TMCC1: variants seen among roughly 807,000 people sequenced by gnomAD.
TMCC1 encodes the protein transmembrane and coiled-coil domain family 1.
A neutral mutation model predicts 52.4 loss-of-function variants in TMCC1; 15 were observed. The ratio of observed to expected loss-of-function variants is 0.29; its 90% CI spans 0.19 to 0.44. The LOEUF is 0.44. TMCC1 is among the 20% of genes least tolerant of loss of function. The pLI is 1.00. For synonymous variants in TMCC1, 279 were observed against 301.9 expected, an observed-to-expected ratio of 0.92 and a Z score of 0.79; for missense variants, 503 against 806.0, an observed-to-expected ratio of 0.62 and a Z score of 4.55.
intron 4 of TMCC1, among the ~76,000 whole-genome samples, chr3:129,793,580 C>T (rs773031724): frequency 1.3e-5 from 2 of 152,216 alleles, no homozygotes; most frequent in Non-Finnish European, 2.9e-5. Context: ...ACTCTTACCA[C>T]ACCTCTTTCC....
intron 3 of TMCC1, among the ~76,000 whole-genome samples, chr3:129,831,968 C>T (rs1359216593): frequency 6.6e-6 from 1 of 152,126 alleles, no homozygotes; most frequent in East Asian, 1.9e-4. Flanking sequence ...AATTCTCCTA[C>T]CTCTGCCTCT....
At chr3:129,840,026 G>A (rs1349857337) in intron 2 of TMCC1, among the ~76,000 whole-genome samples, 2 of 147,412 alleles carry the variant, frequency 1.4e-5, no homozygotes, top group African/African-American at 2.5e-5. Context: ...GACTGGGGGA[G>A]AAAAAAAAAA....
At chr3:129,745,116 T>A (rs2051811981) in intron 4 of TMCC1, among the ~76,000 whole-genome samples, 1 of 152,176 alleles carries the variant, frequency 6.6e-6, no homozygotes, top group Admixed American at 6.5e-5. Context: ...CTAAATGAAA[T>A]TAAACTAGAT....
intron 1 of TMCC1, among the ~76,000 whole-genome samples, chr3:129,883,556 G>A (rs1299173968): frequency 1.3e-5 from 2 of 152,340 alleles, no homozygotes; most frequent in South Asian, 4.1e-4. Context: ...CAAGGCTGCA[G>A]TAATTCATGT....
chr3:129,846,582 C>T (rs752626430), intron 2 of TMCC1, among the ~76,000 whole-genome samples: 4 of 152,146 alleles, frequency 2.6e-5, no homozygotes. Flanking sequence ...TGTGATTTAG[C>T]AACATCTTTT....
At chr3:129,859,110 T>G (rs1334295975) in intron 2 of TMCC1, among the ~76,000 whole-genome samples, 1 of 152,196 alleles carries the variant, frequency 6.6e-6, no homozygotes, top group Non-Finnish European at 1.5e-5. Flanking sequence ...GCTCATAGTA[T>G]AATTTCCTTC....
intron 2 of TMCC1, among the ~76,000 whole-genome samples, chr3:129,870,767 A>C (rs2060891650): frequency 1.4e-5 from 2 of 147,824 alleles, no homozygotes; most frequent in Admixed American, 6.7e-5. Flanking sequence ...CTCAAAAAAA[A>C]AAAAAAAAAA....
intron 4 of TMCC1, among the ~76,000 whole-genome samples, chr3:129,801,408 C>A (rs2057185667): frequency 6.6e-6 from 1 of 151,996 alleles, no homozygotes; most frequent in East Asian, 1.9e-4. Flanking sequence ...CTCTTGATGA[C>A]CATTTAGGTT....
At chr3:129,741,635 T>G (rs1199544185) in intron 4 of TMCC1, among the ~76,000 whole-genome samples, 1 of 152,208 alleles carries the variant, frequency 6.6e-6, no homozygotes, top group African/African-American at 2.4e-5. Flanking sequence ...ATAAATTACA[T>G]TTTTTATGCT....
At chr3:129,735,935 G>C (rs1457174642) in intron 4 of TMCC1, among the ~76,000 whole-genome samples, 1 of 152,154 alleles carries the variant, frequency 6.6e-6, no homozygotes, top group Non-Finnish European at 1.5e-5. Flanking sequence ...CTTCTGGGGG[G>C]ACTCCTGGAA....
intron 2 of TMCC1, among the ~76,000 whole-genome samples, chr3:129,850,216 TAAGTGCCTTAAAAAGGC>T (rs1428508767): frequency 1.3e-5 from 2 of 152,232 alleles, no homozygotes; most frequent in East Asian, 3.8e-4. Context: ...AACAAATGTT[TAAGTGCCTTAAAAAGGC>T]AAGACATTAT....
chr3:129,658,498 C>T (rs573624184), intron 5 of TMCC1, among the ~76,000 whole-genome samples: 1 of 152,338 alleles, frequency 6.6e-6, no homozygotes, highest in South Asian at 2.1e-4. Flanking sequence ...GTCACTCTAG[C>T]AAGAATAATT....
At chr3:129,882,691 TAAAA>T (rs1374749140) in intron 1 of TMCC1, among the ~76,000 whole-genome samples, 1 of 152,116 alleles carries the variant, frequency 6.6e-6, no homozygotes, top group Non-Finnish European at 1.5e-5. Flanking sequence ...TATGCAGTCT[TAAAA>T]AGAAAGAACA....
intron 1 of TMCC1, among the ~76,000 whole-genome samples, chr3:129,885,574 G>A (rs893892497): frequency 2.6e-5 from 4 of 152,012 alleles, no homozygotes; most frequent in Non-Finnish European, 5.9e-5. Flanking sequence ...GAGACAGAGA[G>A]ACTTCATCTC....
At position 129,676,963 on chromosome 3, in the gene TMCC1, T is replaced by G. The variant is rs76978850; in HGVS notation, c.577-5699A>C. Among the ~76,000 whole-genome samples the G allele has an allele frequency of 2.8e-3, 424 of 152,176 alleles. 1 individual carries two copies. The highest frequency in any genetic ancestry group is 5.2e-3 in the Non-Finnish European group (351 of 68,000). On this transcript the variant is annotated intron_variant, in intron 4 of 6. Transcript: ENST00000393238. ...CAAAATCCAAATACCTATTTGTAAC[T>G]AGAAAAAATTAATAAATTGACCAGG... is the stretch of plus-strand genomic sequence containing the variant.
At chr3:129,850,797 T>C (rs560273377) in intron 2 of TMCC1, among the ~76,000 whole-genome samples, 2 of 152,348 alleles carry the variant, frequency 1.3e-5, no homozygotes, top group Admixed American at 6.5e-5. Flanking sequence ...CCACAGATAC[T>C]AGACTAACTA....
At chr3:129,780,162 C>T (rs1404901757) in intron 4 of TMCC1, among the ~76,000 whole-genome samples, 3 of 152,100 alleles carry the variant, frequency 2.0e-5, no homozygotes, top group Admixed American at 2.0e-4. Context: ...AATTTTACTA[C>T]TTTACCAACA....
intron 4 of TMCC1, among the ~76,000 whole-genome samples, chr3:129,770,026 A>G (rs1459555450): frequency 6.6e-6 from 1 of 152,192 alleles, no homozygotes; most frequent in Non-Finnish European, 1.5e-5. Context: ...CGTGTCACAA[A>G]TTCAAATGGC....
chr3:129,792,207 T>C (rs541707579), intron 4 of TMCC1, among the ~76,000 whole-genome samples: 4 of 149,536 alleles, frequency 2.7e-5, no homozygotes, highest in Admixed American at 1.3e-4. Flanking sequence ...TATATACACA[T>C]ATATATATCT....
Sources: allele counts gnomAD v4.1 joint callset (sites outside exome capture counted in the v4.1 genomes callset), GRCh38; gene constraint gnomAD v4.1.1; transcripts MANE v1.5; gene names NCBI Gene and HGNC (gene_info 2026-07-23, HGNC 2026-07-21).